CSMD1: variants seen among roughly 807,000 people sequenced by gnomAD.
CSMD1 encodes CUB and Sushi multiple domains 1.
Under a neutral mutation model 417.5 loss-of-function variants are expected in CSMD1, and 213 were observed. That is an observed-to-expected ratio of 0.51 (90% CI 0.46 to 0.57). The LOEUF is 0.57. Among genes scored for constraint, CSMD1 ranks in the 20% least tolerant of loss-of-function variants. The pLI, the probability that CSMD1 is intolerant of heterozygous loss-of-function variation, is 0.00. For synonymous variants in CSMD1, 2,862 were observed against 1,736.8 expected (o/e 1.65, Z -16.11); for missense variants, 6,923 against 4,529.7 (o/e 1.53, Z -15.17).
intron 7 of CSMD1, among the ~76,000 whole-genome samples, chr8:3,622,626 G>T (rs1432224754): frequency 1.3e-5 from 2 of 152,208 alleles, no homozygotes; most frequent in African/African-American, 4.8e-5. Flanking sequence ...AGCCTGAATG[G>T]ATTGCAGATG....
chr8:4,123,273 A>G (rs1231346144), intron 3 of CSMD1, among the ~76,000 whole-genome samples: 1 of 152,230 alleles, frequency 6.6e-6, no homozygotes, highest in Non-Finnish European at 1.5e-5. Flanking sequence ...TGTAGCTTTT[A>G]GAATATATTA....
intron 1 of CSMD1, among the ~76,000 whole-genome samples, chr8:4,977,212 A>G (rs547162127): frequency 6.6e-6 from 1 of 152,324 alleles, no homozygotes; most frequent in African/African-American, 2.4e-5. Context: ...ATTTAATTGA[A>G]TACATATTCC....
intron 10 of CSMD1, among the ~76,000 whole-genome samples, chr8:3,518,435 C>T (rs1048566684): frequency 6.6e-6 from 1 of 152,108 alleles, no homozygotes; most frequent in Non-Finnish European, 1.5e-5. Context: ...CAAAAATCTG[C>T]TTTTAAAATT....
At chr8:3,127,450 T>C (rs1817568976) in intron 41 of CSMD1, 1 of 152,232 alleles carries the variant, frequency 6.6e-6, no homozygotes, top group Non-Finnish European at 1.5e-5. Context: ...CATGCTCACA[T>C]AATTCAGAAT....
At chr8:4,171,966 A>G (rs1042267166) in intron 3 of CSMD1, among the ~76,000 whole-genome samples, 7 of 152,320 alleles carry the variant, frequency 4.6e-5, no homozygotes, top group African/African-American at 1.7e-4. Flanking sequence ...ATAATGTAAT[A>G]ATCAGCATCC....
intron 3 of CSMD1, among the ~76,000 whole-genome samples, chr8:4,414,598 A>G (rs1354429841): frequency 6.6e-6 from 1 of 151,978 alleles, no homozygotes; most frequent in Non-Finnish European, 1.5e-5. Flanking sequence ...CAATTCAGTG[A>G]TTTTTTTTAA....
intron 2 of CSMD1, among the ~76,000 whole-genome samples, chr8:4,425,241 G>C (rs1431762602): frequency 1.3e-5 from 2 of 151,874 alleles, no homozygotes. Flanking sequence ...AGATACTAAG[G>C]GATTTTTAAA....
chr8:3,531,785 G>A (rs189065728), intron 10 of CSMD1, among the ~76,000 whole-genome samples: 1 of 152,204 alleles, frequency 6.6e-6, no homozygotes, highest in Non-Finnish European at 1.5e-5. Context: ...TGCAAACATA[G>A]ATAAGCAAGC....
intron 3 of CSMD1, among the ~76,000 whole-genome samples, chr8:4,257,049 GTC>G (rs1803509470): frequency 6.6e-6 from 1 of 152,084 alleles, no homozygotes; most frequent in African/African-American, 2.4e-5. Context: ...AAGTGCCTGT[GTC>G]ATCATTTTAA....
chr8:3,413,185 C>G (rs1432149231), intron 12 of CSMD1, among the ~76,000 whole-genome samples: 1 of 152,158 alleles, frequency 6.6e-6, no homozygotes, highest in African/African-American at 2.4e-5. Flanking sequence ...TATTAGCAAG[C>G]CTTAAATGTT....
intron 12 of CSMD1, among the ~76,000 whole-genome samples, chr8:3,461,997 C>A (rs13267666): frequency 0.15 from 22,175 of 152,042 alleles, 1,670 homozygotes; most frequent in East Asian, 0.21. Flanking sequence ...TACACGTGTT[C>A]CTAGGAAACG....
At chr8:4,149,650 G>C (rs1296568268) in intron 3 of CSMD1, among the ~76,000 whole-genome samples, 2 of 152,198 alleles carry the variant, frequency 1.3e-5, no homozygotes, top group Non-Finnish European at 2.9e-5. Flanking sequence ...AACACCTACA[G>C]AATGGAGGAT....
At chr8:3,622,713 T>G (rs536216796) in intron 7 of CSMD1, among the ~76,000 whole-genome samples, 1 of 152,318 alleles carries the variant, frequency 6.6e-6, no homozygotes, top group African/African-American at 2.4e-5. Context: ...AGTTGTTTCG[T>G]GTGATAAACA....
chr8:3,707,517 C>G (rs1222830367), intron 7 of CSMD1, among the ~76,000 whole-genome samples: 1 of 152,156 alleles, frequency 6.6e-6, no homozygotes, highest in East Asian at 1.9e-4. Context: ...AGAAAACGGC[C>G]CCTACAGGAA....
intron 2 of CSMD1, among the ~76,000 whole-genome samples, chr8:4,621,846 G>A (rs1801795331): frequency 6.6e-6 from 1 of 151,976 alleles, no homozygotes; most frequent in Non-Finnish European, 1.5e-5. Flanking sequence ...CAAGTAGGCT[G>A]TACTCTGGAA....
chr8:3,312,972 T>C (rs772753800), intron 23 of CSMD1, among the ~76,000 whole-genome samples: 2 of 152,208 alleles, frequency 1.3e-5, no homozygotes, highest in Non-Finnish European at 2.9e-5. Flanking sequence ...AATATAATCA[T>C]TGTTTCCTAA....
At chr8:4,848,305 T>C (rs1801262279) in intron 1 of CSMD1, among the ~76,000 whole-genome samples, 2 of 152,220 alleles carry the variant, frequency 1.3e-5, no homozygotes, top group South Asian at 4.1e-4. Context: ...TTTGTGTGAA[T>C]ACAGTCATGT....
intron 1 of CSMD1, among the ~76,000 whole-genome samples, chr8:4,939,990 G>A (rs1230084522): frequency 6.6e-6 from 1 of 152,062 alleles, no homozygotes; most frequent in Non-Finnish European, 1.5e-5. Flanking sequence ...TCAGAGTAGG[G>A]TTATTGGGAA....
At chr8:3,506,153 G>C (rs1182542532) in intron 10 of CSMD1, among the ~76,000 whole-genome samples, 1 of 152,166 alleles carries the variant, frequency 6.6e-6, no homozygotes, top group African/African-American at 2.4e-5. Context: ...GGAAGTGCCA[G>C]GGAGGCAGCT....
Sources: gnomAD v4.1 joint callset for allele counts (sites outside exome capture counted in the v4.1 genomes callset) on GRCh38, gnomAD v4.1.1 for gene constraint, MANE v1.5 for transcripts, NCBI Gene and HGNC (gene_info 2026-07-23, HGNC 2026-07-21) for gene names.